Variants in PLCB4 observed in about 807,000 individuals in gnomAD.
PLCB4 encodes 1-phosphatidylinositol 4,5-bisphosphate phosphodiesterase beta-4.
In PLCB4, 77 loss-of-function variants were observed where a neutral mutation model predicts 178.8. The ratio of observed to expected loss-of-function variants is 0.43; its 90% confidence interval spans 0.36 to 0.52. The LOEUF is 0.52. PLCB4 is among the 20% of genes least tolerant of loss of function. The probability of loss-of-function intolerance (pLI) is 0.00; values close to 1 mark genes in which losing one functional copy is unlikely to be tolerated. For missense variants in PLCB4, 1,024 were observed against 1,453.4 expected, an observed-to-expected ratio of 0.70 and a Z score of 4.80; for synonymous variants, 496 against 490.8, an observed-to-expected ratio of 1.01 and a Z score of -0.14.
At chr20:9,436,382 C>T (rs1435483896) in intron 29 of PLCB4, among the ~76,000 whole-genome samples, 1 of 152,170 alleles carries the variant, frequency 6.6e-6, no homozygotes, top group Non-Finnish European at 1.5e-5. Context: ...GATAGGATCT[C>T]GCTCTGTTTC....
intron 28 of PLCB4, among the ~76,000 whole-genome samples, chr20:9,432,594 C>G (rs144372314): frequency 8.0e-4 from 122 of 152,338 alleles, no homozygotes; most frequent in African/African-American, 2.8e-3. Context: ...AAACCTCACT[C>G]TGCCTCATAA....
At chr20:9,207,492 C>T (rs2093627230) in intron 2 of PLCB4, among the ~76,000 whole-genome samples, 1 of 152,240 alleles carries the variant, frequency 6.6e-6, no homozygotes, top group Non-Finnish European at 1.5e-5. Context: ...TTGTACTCCC[C>T]ACCCCAGCTC....
intron 8 of PLCB4, among the ~76,000 whole-genome samples, chr20:9,363,367 G>A (rs2035513926): frequency 6.6e-6 from 1 of 152,134 alleles, no homozygotes; most frequent in Non-Finnish European, 1.5e-5. Flanking sequence ...AATGAGGAGT[G>A]TGACCAAGAG....
At chr20:9,124,514 T>C (rs1464135390) in intron 2 of PLCB4, among the ~76,000 whole-genome samples, 6 of 152,106 alleles carry the variant, frequency 3.9e-5, no homozygotes, top group East Asian at 1.9e-4. Flanking sequence ...TAAAATCTTA[T>C]ATTTTGTAAG....
At chr20:9,395,648 A>G in intron 19 of PLCB4, 30 bp downstream of exon 19, 5 of 1,455,296 alleles carry the variant, frequency 3.4e-6, no homozygotes, top group East Asian at 2.3e-5. Flanking sequence ...TTTAAGTTAC[A>G]TGCTTTGAAA....
At position 9,383,769 on chromosome 20, in the gene PLCB4, G is replaced by A. The variant is rs557380775; in HGVS notation, c.854-432G>A. ...TTTCCATTTTTAAAGAGCACCTCTC[G>A]TATCTATTCTCATTTCCCATTATGA... is the stretch of plus-strand genomic sequence containing the variant. On this transcript the variant is annotated intron_variant, in intron 13 of 39. Coordinates refer to ENST00000378473, the MANE Select transcript of PLCB4 (RefSeq NM_001377142.1). Among the ~76,000 whole-genome samples, 14 of 152,258 alleles carry A rather than the reference G, an allele frequency of 9.2e-5. 1 individual carries two copies. The highest frequency in any genetic ancestry group is 4.1e-4 in the South Asian group (2 of 4,822).
intron 19 of PLCB4, 106 bp downstream of exon 19, chr20:9,395,724 G>A: frequency 1.3e-6 from 1 of 753,688 alleles, no homozygotes; most frequent in Non-Finnish European, 2.2e-6. Flanking sequence ...AGCACTTGGG[G>A]AGGCCAAGGT....
At chr20:9,475,613 T>G (rs2044491323) in intron 38 of PLCB4, among the ~76,000 whole-genome samples, 1 of 152,234 alleles carries the variant, frequency 6.6e-6, no homozygotes, top group Non-Finnish European at 1.5e-5. Context: ...ATCATACTGA[T>G]GCTTCTGGCA....
rs369645694 is a variant in PLCB4 at position 9,476,762 on chromosome 20, G to A, written c.3532+9G>A. ...AGTGTCCCAAACGCAAGGTAGGACC[G>A]AAACTCTGATAAGCAAGACGTTGCT... On this transcript the variant is annotated intron_variant, in intron 39 of 39. Transcript: ENST00000378473. The A allele has an allele frequency of 5.9e-5, 94 of 1,597,998 alleles. No homozygotes were observed. The African/African-American group carries it at 9.8e-4, about 17-fold the overall frequency.
intron 2 of PLCB4, among the ~76,000 whole-genome samples, chr20:9,139,642 G>A (rs2092448829): frequency 1.3e-5 from 2 of 152,180 alleles, no homozygotes; most frequent in Non-Finnish European, 2.9e-5. Context: ...CAGTCACAGG[G>A]CCAGCTTCCA....
chr20:9,418,686 C>G (rs943739467), intron 25 of PLCB4, among the ~76,000 whole-genome samples: 3 of 152,070 alleles, frequency 2.0e-5, no homozygotes, highest in Non-Finnish European at 4.4e-5. Context: ...TTAGGATTAG[C>G]TTGTCAGTTT....
chr20:9,329,376 T>TA (rs1029087554), intron 4 of PLCB4, among the ~76,000 whole-genome samples: 11 of 152,294 alleles, frequency 7.2e-5, no homozygotes, highest in African/African-American at 2.4e-4. Flanking sequence ...ATATCAATAA[T>TA]AAAAATGGTA....
intron 33 of PLCB4, among the ~76,000 whole-genome samples, chr20:9,455,996 G>A (rs1394807631): frequency 4.6e-5 from 7 of 152,020 alleles, no homozygotes; most frequent in South Asian, 2.1e-4. Context: ...CTGCCATGCC[G>A]GCTAATTTTT....
At chr20:9,247,383 G>T (rs2094136604) in intron 3 of PLCB4, among the ~76,000 whole-genome samples, 1 of 152,144 alleles carries the variant, frequency 6.6e-6, no homozygotes, top group Non-Finnish European at 1.5e-5. Flanking sequence ...GAAGTTATGG[G>T]TAGGCAAGAC....
chr20:9,399,026 G>A (rs1055496445), intron 19 of PLCB4, among the ~76,000 whole-genome samples: 20 of 152,146 alleles, frequency 1.3e-4, no homozygotes, highest in African/African-American at 4.8e-4. Flanking sequence ...AGAATAGAAC[G>A]AATGAAAGTC....
intron 2 of PLCB4, among the ~76,000 whole-genome samples, chr20:9,199,171 G>A (rs200618429): frequency 6.6e-6 from 1 of 151,886 alleles, no homozygotes; most frequent in Non-Finnish European, 1.5e-5. Context: ...TTTTTTGTGT[G>A]TCATTTCTTT....
intron 3 of PLCB4, among the ~76,000 whole-genome samples, chr20:9,258,571 C>T (rs1192439623): frequency 2.6e-5 from 4 of 151,726 alleles, no homozygotes; most frequent in Admixed American, 2.0e-4. Context: ...CAAAATTAGC[C>T]GGGTGTGGTG....
At chr20:9,395,362 G>T (rs1443423758) in intron 18 of PLCB4, among the ~76,000 whole-genome samples, 161 bp from the exon 19 acceptor site, 1 of 152,188 alleles carries the variant, frequency 6.6e-6, no homozygotes, top group East Asian at 1.9e-4. Context: ...AGGAAATGGC[G>T]AGAGAGAGAT....
At chr20:9,207,065 G>A (rs1390674323) in intron 2 of PLCB4, among the ~76,000 whole-genome samples, 2 of 152,128 alleles carry the variant, frequency 1.3e-5, no homozygotes, top group Non-Finnish European at 2.9e-5. Context: ...GCAGTGAGCC[G>A]AGATCGTGCC....
Sources: gnomAD v4.1 joint callset for allele counts (sites outside exome capture counted in the v4.1 genomes callset) on GRCh38, gnomAD v4.1.1 for gene constraint, MANE v1.5 for transcripts, NCBI Gene and HGNC (gene_info 2026-07-23, HGNC 2026-07-21) for gene names.